Variants in ADGRB3 observed in about 807,000 individuals in gnomAD.
ADGRB3 encodes brain-specific angiogenesis inhibitor 3.
ADGRB3 carries 37 observed loss-of-function variants against 193.4 expected under a neutral mutation model. The ratio of observed to expected loss-of-function variants is 0.19; its 90% CI spans 0.15 to 0.25. The LOEUF (loss-of-function observed/expected upper bound fraction) is 0.25. ADGRB3 is among the 10% of genes least tolerant of loss of function. The pLI, the probability that ADGRB3 is intolerant of heterozygous loss-of-function variation, is 1.00. For synonymous variants in ADGRB3, 690 were observed against 644.2 expected, an observed-to-expected ratio of 1.07 and a Z score of -1.08; for missense variants, 1,637 against 1,852.9, an observed-to-expected ratio of 0.88 and a Z score of 2.14.
chr6:68,954,106 G>T (rs1316986428), intron 6 of ADGRB3, among the ~76,000 whole-genome samples: 1 of 152,090 alleles, frequency 6.6e-6, no homozygotes, highest in Admixed American at 6.6e-5. Context: ...TGTCTAAATT[G>T]TCCATAACTC....
chr6:68,864,522 G>GA (rs5877178), intron 3 of ADGRB3, among the ~76,000 whole-genome samples: 67,983 of 151,658 alleles, frequency 0.45, 16,544 homozygotes, highest in East Asian at 0.6. Context: ...TCTTGGATAG[G>GA]AAGAGAATGA....
intron 3 of ADGRB3, among the ~76,000 whole-genome samples, chr6:68,770,979 G>A (rs1465035188): frequency 1.3e-5 from 2 of 152,040 alleles, no homozygotes; most frequent in East Asian, 3.9e-4. Context: ...TATCAATTTG[G>A]AAAAGTGGTA....
At chr6:68,748,837 G>C (rs1032603932) in intron 3 of ADGRB3, among the ~76,000 whole-genome samples, 3 of 152,146 alleles carry the variant, frequency 2.0e-5, no homozygotes, top group African/African-American at 7.2e-5. Flanking sequence ...CTTTTCCCTG[G>C]GCATCCAGGC....
chr6:68,813,075 G>T (rs1006224366), intron 3 of ADGRB3, among the ~76,000 whole-genome samples: 1 of 152,116 alleles, frequency 6.6e-6, no homozygotes, highest in Non-Finnish European at 1.5e-5. Context: ...TGTTGTGGGA[G>T]GGACCCAGGG....
chr6:69,119,308 T>C (rs1322712755), intron 17 of ADGRB3, among the ~76,000 whole-genome samples: 1 of 152,198 alleles, frequency 6.6e-6, no homozygotes, highest in African/African-American at 2.4e-5. Flanking sequence ...AGCAAATATT[T>C]CCTTCTGCCT....
At chr6:68,836,506 C>A (rs1009631372) in intron 3 of ADGRB3, among the ~76,000 whole-genome samples, 1 of 152,114 alleles carries the variant, frequency 6.6e-6, no homozygotes, top group Non-Finnish European at 1.5e-5. Flanking sequence ...GACAGTCTTA[C>A]TTCAGCATCT....
chr6:69,031,571 C>CTTTCTTTCTTTCTCT (rs1337493560), intron 13 of ADGRB3, among the ~76,000 whole-genome samples: 13 of 106,924 alleles, frequency 1.2e-4, no homozygotes, highest in Admixed American at 4.0e-4. Flanking sequence ...TTCTTTTCTT[C>CTTTCTTTCTTTCTCT]CTCTGTCTCT....
At chr6:68,750,483 T>A (rs1261029379) in intron 3 of ADGRB3, among the ~76,000 whole-genome samples, 1 of 152,230 alleles carries the variant, frequency 6.6e-6, no homozygotes, top group Non-Finnish European at 1.5e-5. Flanking sequence ...TTTTTGCATG[T>A]TATCAAATGT....
chr6:68,717,655 C>T lies in ADGRB3; in HGVS notation c.757+78223C>T, dbSNP rs190184044. The stretch of plus-strand genomic sequence containing the variant: ...TACTTCTATTGATTCAAGTGTTCTT[C>T]ATATCACTAGCCATATTTAATAAAG... On this transcript the variant is annotated intron_variant, in intron 3 of 31. Coordinates refer to ENST00000370598, the MANE Select transcript of ADGRB3 (RefSeq NM_001704.3). Among the ~76,000 whole-genome samples, 5 of 151,448 alleles carry T rather than the reference C, an allele frequency of 3.3e-5. No individual in the cohort carries two copies. In the East Asian group the frequency reaches 9.7e-4, roughly 30 times the overall value.
At chr6:69,214,867 G>A (rs1024355574) in intron 17 of ADGRB3, among the ~76,000 whole-genome samples, 2 of 151,866 alleles carry the variant, frequency 1.3e-5, no homozygotes, top group Admixed American at 1.3e-4. Context: ...TACTTTTTAA[G>A]TTACAAATTG....
At chr6:68,772,452 A>AG (rs1766637048) in intron 3 of ADGRB3, among the ~76,000 whole-genome samples, 1 of 152,084 alleles carries the variant, frequency 6.6e-6, no homozygotes, top group Non-Finnish European at 1.5e-5. Context: ...GGGTTTTGGA[A>AG]GGCTCTGTGA....
intron 17 of ADGRB3, among the ~76,000 whole-genome samples, chr6:69,199,552 A>G (rs1206649135): frequency 6.6e-6 from 1 of 152,152 alleles, no homozygotes; most frequent in African/African-American, 2.4e-5. Context: ...CAGCTTTATT[A>G]TGATTACTTC....
intron 18 of ADGRB3, 67 bp from the exon 19 acceptor site, chr6:69,234,965 G>A (rs567659896): frequency 1.6e-6 from 2 of 1,260,726 alleles, no homozygotes; most frequent in African/African-American, 1.5e-5. Flanking sequence ...TAGCTTTGCT[G>A]AGTCTAGAAG....
At chr6:69,245,663 T>G (rs1766483547) in intron 20 of ADGRB3, among the ~76,000 whole-genome samples, 1 of 152,122 alleles carries the variant, frequency 6.6e-6, no homozygotes, top group Non-Finnish European at 1.5e-5. Flanking sequence ...CAACCCCACC[T>G]GACTTCCTGT....
Position 68,903,130 on chromosome 6 carries a change from G to C in ADGRB3, c.758-27429G>C, listed in dbSNP as rs13192878. On this transcript the variant is annotated intron_variant, in intron 3 of 31. Coordinates refer to ENST00000370598, the MANE Select transcript of ADGRB3 (RefSeq NM_001704.3). ...TGAGCTCACTAGCAGCAAGCATGCT[G>C]ATCAAACAATAAAACAAATCTTTTG... Among the ~76,000 whole-genome samples the C allele has an allele frequency of 3.4e-3, 522 of 152,262 alleles. 12 individuals carry two copies. In the East Asian group the frequency reaches 0.062, roughly 18 times the overall value.
At chr6:69,234,363 A>G (rs1295639563) in intron 18 of ADGRB3, among the ~76,000 whole-genome samples, 1 of 152,154 alleles carries the variant, frequency 6.6e-6, no homozygotes, top group Non-Finnish European at 1.5e-5. Flanking sequence ...TTTCAAGGTC[A>G]TGCATTTAGG....
intron 17 of ADGRB3, among the ~76,000 whole-genome samples, chr6:69,221,781 A>C (rs2127250309): frequency 6.6e-6 from 1 of 152,220 alleles, no homozygotes; most frequent in South Asian, 2.1e-4. Flanking sequence ...TCCACTGATA[A>C]TTTCTTGGTA....
In ADGRB3 at chr6:69,076,006, T is replaced by G; in HGVS notation, c.2448T>G (p.Asn816Lys). 6.2e-7 allele frequency: 1 copy of G among 1,612,238 alleles called. No homozygotes were observed. The highest frequency in any genetic ancestry group is 1.7e-4 in the Middle Eastern group (1 of 6,054). Residue 816 changes from asparagine (N) to lysine (K), a missense_variant, in exon 17 of 32, where the codon AAT becomes AAG. Physicochemically the swap from Asn to Lys is moderately conservative, Grantham distance 94 (BLOSUM62 0). Transcript: ENST00000370598. The stretch of plus-strand genomic sequence containing the variant: ...TGCTTTTTTTTTAGGGTACTTTGAA[T>G]CCCTATTGTGTATTGTGGGATGACT... The part of the protein sequence containing the change: ...ELAHLANGTL[N>K]PYCVLWDDSK...
At chr6:68,786,608 T>G (rs1766976693) in intron 3 of ADGRB3, among the ~76,000 whole-genome samples, 2 of 152,184 alleles carry the variant, frequency 1.3e-5, no homozygotes, top group Non-Finnish European at 2.9e-5. Flanking sequence ...GCTTTGTTCT[T>G]TTGGCTTAGG....
Sources: gnomAD v4.1 joint callset for allele counts (sites outside exome capture counted in the v4.1 genomes callset) on GRCh38, gnomAD v4.1.1 for gene constraint, MANE v1.5 for transcripts, NCBI Gene and HGNC (gene_info 2026-07-23, HGNC 2026-07-21) for gene names.